The following REEP1 variants were observed in gnomAD, a reference collection of about 807,000 sequenced individuals.
REEP1 encodes receptor accessory protein 1.
REEP1 carries 22 observed loss-of-function variants against 40.3 expected under a neutral mutation model. The ratio of observed to expected loss-of-function variants is 0.55; its 90% CI spans 0.39 to 0.78. The LOEUF (loss-of-function observed/expected upper bound fraction) is 0.78, where lower values mean the gene tolerates loss of function less well. Ranked by LOEUF, REEP1 falls within the 30% of genes least tolerant of loss-of-function variation. The pLI, the probability that REEP1 is intolerant of heterozygous loss-of-function variation, is 0.00. For synonymous variants in REEP1, 116 were observed against 139.2 expected, an observed-to-expected ratio of 0.83 and a Z score of 1.17; for missense variants, 280 against 361.1, an observed-to-expected ratio of 0.78 and a Z score of 1.82.
intron 1 of REEP1, among the ~76,000 whole-genome samples, chr2:86,336,352 G>T (rs1446578221): frequency 6.6e-6 from 1 of 152,146 alleles, no homozygotes; most frequent in Non-Finnish European, 1.5e-5. Flanking sequence ...ATCCACTTCG[G>T]AAGGGAAAAT....
chr2:86,223,671 C>T (rs1439250235), intron 7 of REEP1: 3 of 152,150 alleles, frequency 2.0e-5, no homozygotes, highest in African/African-American at 7.2e-5. Flanking sequence ...ATGCTCTAAA[C>T]CTCAGGCAGC....
At chr2:86,229,591 T>G (rs1166667055) in intron 6 of REEP1, among the ~76,000 whole-genome samples, 1 of 143,784 alleles carries the variant, frequency 7.0e-6, no homozygotes, top group Non-Finnish European at 1.5e-5. Context: ...ATCTTTCACC[T>G]GTCTTCCTTT....
intron 8 of REEP1, among the ~76,000 whole-genome samples, chr2:86,217,443 C>T (rs1674178023): frequency 6.6e-6 from 1 of 152,156 alleles, no homozygotes; most frequent in Non-Finnish European, 1.5e-5. Flanking sequence ...GAAAGAGACA[C>T]CTCCGCATGC....
rs933716914 is a variant in REEP1 at position 86,334,027 on chromosome 2, C to T, written c.32+3452G>A. Among the ~76,000 whole-genome samples, 4 of 152,248 alleles carry T rather than the reference C, an allele frequency of 2.6e-5. No homozygotes were observed. In the East Asian group the frequency reaches 7.7e-4, roughly 29 times the overall value. ...TCCCCAGGGGACAGCAGTAGCCAGC[C>T]ACTCTGCTTGTCCCCAGGGCCTAGG... is the stretch of plus-strand genomic sequence containing the variant. On this transcript the variant is annotated intron_variant, in intron 1 of 8. Transcript: ENST00000538924.
At chr2:86,225,871 G>A (rs1056466573) in intron 7 of REEP1, among the ~76,000 whole-genome samples, 1 of 152,194 alleles carries the variant, frequency 6.6e-6, no homozygotes, top group African/African-American at 2.4e-5. Flanking sequence ...GTGTGAAAGG[G>A]GCACTGGATT....
chr2:86,251,853 C>T lies in REEP1; in HGVS notation c.417+104G>A, dbSNP rs142504420. 7.0e-4 allele frequency: 593 copies of T among 845,986 alleles called. 4 individuals carry two copies. In the African/African-American group the frequency reaches 8.8e-3, roughly 13 times the overall value. 52.4% of individuals were successfully genotyped at this position (845,986 alleles called of 1,614,324 possible). ...AAAAGGACCCCTAAAAGATGAAAAACCACTGATTGGTCCTTAGCCTGTTCT... is the reference window on the plus strand; with the variant it reads ...AAAAGGACCCCTAAAAGATGAAAAATCACTGATTGGTCCTTAGCCTGTTCT... On this transcript the variant is annotated intron_variant, in intron 5 of 8. Coordinates refer to ENST00000538924, the MANE Select transcript of REEP1 (RefSeq NM_001371279.1).
chr2:86,277,555 C>CAAAA (rs546202828), intron 2 of REEP1, among the ~76,000 whole-genome samples: 1 of 118,238 alleles, frequency 8.5e-6, no homozygotes, highest in Non-Finnish European at 1.7e-5. Flanking sequence ...GACTCTGTAT[C>CAAAA]AAAAAAAAAA....
Position 86,236,956 on chromosome 2 carries a change from G to A in REEP1, c.418-4154C>T, listed in dbSNP as rs374311323. Among the ~76,000 whole-genome samples the A allele has an allele frequency of 7.3e-4, 111 of 152,244 alleles. 1 individual carries two copies. In the East Asian group the frequency reaches 0.013, roughly 18 times the overall value. On this transcript the variant is annotated intron_variant, in intron 5 of 8. Coordinates refer to ENST00000538924, the MANE Select transcript of REEP1 (RefSeq NM_001371279.1). ...TCACCGTGTTAGCCAGGATGGTCTC[G>A]ATCTCCTGACCTCGTAATCCGCCCG...
chr2:86,299,160 TG>T (rs1679146991), intron 1 of REEP1, among the ~76,000 whole-genome samples: 1 of 152,246 alleles, frequency 6.6e-6, no homozygotes, highest in African/African-American at 2.4e-5. Context: ...TGCTAATTCC[TG>T]TCTACTCATG....
chr2:86,295,048 G>T (rs1678912276), intron 1 of REEP1, among the ~76,000 whole-genome samples: 3 of 151,980 alleles, frequency 2.0e-5, no homozygotes, highest in Admixed American at 6.6e-5. Context: ...TAAAAAAAAA[G>T]AAAAGAAAAG....
rs1677151702 is a variant in REEP1 at position 86,266,630 on chromosome 2, A to G, written c.106-2589T>C. On this transcript the variant is annotated intron_variant, in intron 2 of 8. Transcript: ENST00000538924. ...GACAGAGCGAGACTCCATCTCAAAA[A>G]ATAAAAATAAAAATAAAAATAAAAA... is the stretch of plus-strand genomic sequence containing the variant. Among the ~76,000 whole-genome samples, 3 of 150,690 alleles carry G rather than the reference A, an allele frequency of 2.0e-5. No individual in the cohort carries two copies. In the South Asian group the frequency reaches 6.2e-4, roughly 31 times the overall value.
intron 1 of REEP1, among the ~76,000 whole-genome samples, chr2:86,310,829 T>G (rs1232348860): frequency 6.6e-6 from 1 of 152,116 alleles, no homozygotes; most frequent in Non-Finnish European, 1.5e-5. Flanking sequence ...GACTATGATA[T>G]AAACTTAAGA....
chr2:86,223,739 C>A (rs1469058320), intron 7 of REEP1: 1 of 136,846 alleles, frequency 7.3e-6, no homozygotes, highest in African/African-American at 2.7e-5. Context: ...ATGCAATTCT[C>A]TCTCTCTCTC....
At chr2:86,221,728 A>G (rs765859791) in intron 7 of REEP1, among the ~76,000 whole-genome samples, 18 of 152,184 alleles carry the variant, frequency 1.2e-4, no homozygotes, top group Non-Finnish European at 2.2e-4. Flanking sequence ...GGCTGGGCAC[A>G]CAGTGGCCAC....
intron 3 of REEP1, among the ~76,000 whole-genome samples, chr2:86,256,009 G>C (rs1403061403): frequency 6.6e-6 from 1 of 152,110 alleles, no homozygotes; most frequent in African/African-American, 2.4e-5. Context: ...TGCTTACTCT[G>C]GAGGAACTGC....
chr2:86,311,632 TA>T (rs1679769053), intron 1 of REEP1, among the ~76,000 whole-genome samples: 1 of 152,160 alleles, frequency 6.6e-6, no homozygotes, highest in South Asian at 2.1e-4. Context: ...ATTTTCTTTT[TA>T]TAAGGATACC....
At chr2:86,227,101 G>A (rs1287743273) in intron 7 of REEP1, among the ~76,000 whole-genome samples, 1 of 152,128 alleles carries the variant, frequency 6.6e-6, no homozygotes, top group East Asian at 1.9e-4. Flanking sequence ...CAAGCCCTCC[G>A]ATAACTCAGC....
intron 1 of REEP1, among the ~76,000 whole-genome samples, chr2:86,318,243 C>G (rs1272053670): frequency 6.6e-6 from 1 of 152,122 alleles, no homozygotes; most frequent in Non-Finnish European, 1.5e-5. Flanking sequence ...AAGATCCACT[C>G]AAACTGTAAG....
chr2:86,301,112 C>A (rs995947307), intron 1 of REEP1, among the ~76,000 whole-genome samples: 1 of 152,216 alleles, frequency 6.6e-6, no homozygotes, highest in Non-Finnish European at 1.5e-5. Context: ...AATACAAGCA[C>A]CCACAGTGAA....
Sources: gnomAD v4.1 joint callset for allele counts (sites outside exome capture counted in the v4.1 genomes callset) on GRCh38, gnomAD v4.1.1 for gene constraint, MANE v1.5 for transcripts, NCBI Gene and HGNC (gene_info 2026-07-23, HGNC 2026-07-21) for gene names.